The following GABRB1 variants were observed in gnomAD, a reference collection of about 807,000 sequenced individuals.
GABRB1 encodes the protein gamma-aminobutyric acid type A receptor subunit beta1.
In GABRB1, 17 loss-of-function variants were observed where a neutral mutation model predicts 51.6. That is an observed-to-expected ratio of 0.33 (90% CI 0.23 to 0.49). The LOEUF is 0.49. Among genes scored for constraint, GABRB1 ranks in the 20% least tolerant of loss-of-function variants. The probability of loss-of-function intolerance (pLI) is 0.99; values close to 1 mark genes in which losing one functional copy is unlikely to be tolerated. For synonymous variants in GABRB1, 247 were observed against 218.9 expected (o/e 1.13, Z -1.14); for missense variants, 410 against 600.6 (o/e 0.68, Z 3.32).
rs142639522 is a variant in GABRB1, at chr4:47,019,549, TTCTCTC to T, written c.-19-12342_-19-12337del. Among the ~76,000 whole-genome samples the T allele has an allele frequency of 2.4e-4, 31 of 128,894 alleles. 1 individual carries two copies. The highest frequency in any genetic ancestry group is 9.3e-4 in the Admixed American group (12 of 12,960). 84.6% of individuals were successfully genotyped at this position (128,894 alleles called of 152,430 possible). ...AGATAAAGGTGTCAGCAGGTTTAGT[TTCTCTC>T]TCTCTCTCTCTCTCTCTCTCTCCCT... is the stretch of plus-strand genomic sequence containing the variant. On this transcript the variant is annotated intron_variant, in intron 1 of 3. Transcript: ENST00000513567.
intron 4 of GABRB1, among the ~76,000 whole-genome samples, chr4:47,207,455 C>G (rs1720181635): frequency 6.6e-6 from 1 of 152,002 alleles, no homozygotes; most frequent in Admixed American, 6.6e-5. Flanking sequence ...GAACTGACTT[C>G]TCCATTAAAA....
At chr4:47,410,521 T>G (rs541655295) in intron 8 of GABRB1, among the ~76,000 whole-genome samples, 5 of 152,158 alleles carry the variant, frequency 3.3e-5, no homozygotes, top group Non-Finnish European at 7.4e-5. Context: ...AAACTGAAGT[T>G]GTATTGACCT....
At chr4:47,266,239 T>A (rs1370169029) in intron 4 of GABRB1, among the ~76,000 whole-genome samples, 1 of 152,088 alleles carries the variant, frequency 6.6e-6, no homozygotes, top group East Asian at 1.9e-4. Context: ...CAAAGACTGG[T>A]TGGTTGTAGC....
chr4:47,064,295 G>A (rs921944629), intron 3 of GABRB1, among the ~76,000 whole-genome samples: 3 of 152,112 alleles, frequency 2.0e-5, no homozygotes, highest in African/African-American at 7.2e-5. Context: ...TTTAACTAAA[G>A]TAGGATACTT....
chr4:47,398,513 A>G (rs1728257115), intron 5 of GABRB1, among the ~76,000 whole-genome samples: 1 of 152,226 alleles, frequency 6.6e-6, no homozygotes, highest in African/African-American at 2.4e-5. Context: ...TGGGACCAGG[A>G]AAGATATATC....
At chr4:47,049,167 G>A in intron 3 of GABRB1, among the ~76,000 whole-genome samples, 1 of 152,216 alleles carries the variant, frequency 6.6e-6, no homozygotes, top group East Asian at 1.9e-4. Context: ...CATAAAGGAG[G>A]AAACACAATA....
intron 4 of GABRB1, among the ~76,000 whole-genome samples, chr4:47,191,255 T>A (rs914933302): frequency 6.6e-6 from 1 of 152,164 alleles, no homozygotes; most frequent in Non-Finnish European, 1.5e-5. Flanking sequence ...CCTTTGTGCC[T>A]CAAGATCCTT....
At chr4:47,157,610 T>A (rs1275316005) in intron 3 of GABRB1, among the ~76,000 whole-genome samples, 1 of 152,074 alleles carries the variant, frequency 6.6e-6, no homozygotes, top group African/African-American at 2.4e-5. Flanking sequence ...ATAATAGATA[T>A]GAAAGGGTTA....
At chr4:47,020,481 T>C (rs1027673236) in intron 1 of GABRB1, among the ~76,000 whole-genome samples, 2 of 152,134 alleles carry the variant, frequency 1.3e-5, no homozygotes, top group African/African-American at 4.8e-5. Flanking sequence ...ACTCAACATG[T>C]TTGAAATTGA....
At chr4:47,044,270 T>C (rs1725988998) in intron 3 of GABRB1, among the ~76,000 whole-genome samples, 1 of 152,086 alleles carries the variant, frequency 6.6e-6, no homozygotes, top group Non-Finnish European at 1.5e-5. Context: ...AATCTCATAG[T>C]TAAAATCAGT....
chr4:47,334,039 A>G (rs1268691290), intron 5 of GABRB1, among the ~76,000 whole-genome samples: 1 of 152,290 alleles, frequency 6.6e-6, no homozygotes, highest in Non-Finnish European at 1.5e-5. Context: ...TCAGAGCAGA[A>G]TCACACAACA....
At chr4:47,262,008 G>A (rs1722459652) in intron 4 of GABRB1, among the ~76,000 whole-genome samples, 5 of 151,604 alleles carry the variant, frequency 3.3e-5, no homozygotes, top group South Asian at 4.2e-4. Context: ...AGCTGAAACT[G>A]GATCCCTTCC....
intron 4 of GABRB1, among the ~76,000 whole-genome samples, chr4:47,293,208 C>G (rs1167873945): frequency 6.6e-6 from 1 of 152,110 alleles, no homozygotes; most frequent in Non-Finnish European, 1.5e-5. Flanking sequence ...GTGGTGCAAT[C>G]TCATCTCACC....
rs11938560 is a variant in GABRB1 at position 47,260,637 on chromosome 4, A to G, written c.462-59490A>G. On this transcript the variant is annotated intron_variant, in intron 4 of 8. Transcript: ENST00000295454. ...CTGGGTTGAAAATTCTTTTCTTTAA[A>G]AATGTTGAATATTGGCCCCCACTCT... Among the ~76,000 whole-genome samples, 1,265 of 152,156 alleles carry G rather than the reference A, an allele frequency of 8.3e-3. 11 individuals are homozygous for G. Among genetic ancestry groups the G allele is most frequent in the African/African-American group, 0.029 (1,189 of 41,500 alleles).
chr4:47,059,192 A>C (rs1726744146), intron 3 of GABRB1, among the ~76,000 whole-genome samples: 1 of 152,218 alleles, frequency 6.6e-6, no homozygotes, highest in South Asian at 2.1e-4. Context: ...ACTACAAATA[A>C]GAATAACTTT....
intron 4 of GABRB1, among the ~76,000 whole-genome samples, chr4:47,292,421 A>G (rs1046881863): frequency 6.6e-6 from 1 of 152,238 alleles, no homozygotes; most frequent in Non-Finnish European, 1.5e-5. Context: ...ATTTACTTCT[A>G]AAAATAATAA....
chr4:47,075,925 A>G (rs915261008), intron 3 of GABRB1, among the ~76,000 whole-genome samples: 2 of 152,130 alleles, frequency 1.3e-5, no homozygotes, highest in East Asian at 1.9e-4. Flanking sequence ...CAATCCAGAA[A>G]TAGGTATCAA....
At chr4:47,323,581 C>G (rs1165942047) in intron 5 of GABRB1, among the ~76,000 whole-genome samples, 3 of 152,108 alleles carry the variant, frequency 2.0e-5, no homozygotes, top group African/African-American at 7.2e-5. Context: ...ATGAGAGGCT[C>G]TAGTGTCAGT....
At chr4:47,344,232 T>C (rs574111754) in intron 5 of GABRB1, among the ~76,000 whole-genome samples, 2 of 152,156 alleles carry the variant, frequency 1.3e-5, no homozygotes, top group South Asian at 4.2e-4. Context: ...AATGGAGAAA[T>C]TGATGGTTGG....
Sources: gnomAD v4.1 joint callset for allele counts (sites outside exome capture counted in the v4.1 genomes callset) on GRCh38, gnomAD v4.1.1 for gene constraint, MANE v1.5 for transcripts, NCBI Gene and HGNC (gene_info 2026-07-23, HGNC 2026-07-21) for gene names.